IQSEC2: variants seen among roughly 807,000 people sequenced by gnomAD.
The protein encoded by IQSEC2 is IQ motif and Sec7 domain ArfGEF 2, also known as IQ motif and SEC7 domain-containing protein 2.
Under a neutral mutation model 74.6 loss-of-function variants are expected in IQSEC2, and 6 were observed. The ratio of observed to expected loss-of-function variants is 0.08; its 90% CI spans 0.04 to 0.16. IQSEC2 has a LOEUF of 0.16. IQSEC2 is among the 10% of genes least tolerant of loss of function. The pLI, the probability that IQSEC2 is intolerant of heterozygous loss-of-function variation, is 1.00. For synonymous variants in IQSEC2, 494 were observed against 544.5 expected, an observed-to-expected ratio of 0.91 and a Z score of 1.29; for missense variants, 734 against 1,306.2, an observed-to-expected ratio of 0.56 and a Z score of 6.75.
intron 1 of IQSEC2, among the ~76,000 whole-genome samples, chrX:53,316,523 A>G (rs1230318559): frequency 9.0e-6 from 1 of 110,719 alleles, no homozygotes; most frequent in Non-Finnish European, 1.9e-5. Flanking sequence ...TAGACCATAC[A>G]CTGCCCTAGC....
chrX:53,306,971 AAG>A, intron 1 of IQSEC2, among the ~76,000 whole-genome samples: 1 of 110,883 alleles, frequency 9.0e-6, no homozygotes, highest in Admixed American at 9.6e-5. Flanking sequence ...AATGGAAGGT[AAG>A]TATATGACAT....
chrX:53,256,169 C>A, intron 2 of IQSEC2, 108 bp from the exon 3 acceptor site: 1 of 792,092 alleles, frequency 1.3e-6, no homozygotes, highest in Non-Finnish European at 1.8e-6. Flanking sequence ...CCATCCACCC[C>A]AGCTTCCTCA....
Position 53,320,036 on chromosome X carries a change from G to T in IQSEC2, c.707+381C>A, listed in dbSNP as rs376530477. ...GGGGTGGGGGGCTTTCTCTCCCCTG[G>T]GGCTCTGAGTAGACACCCTCGCCGA... On this transcript the variant is annotated intron_variant, in intron 1 of 14. Transcript: ENST00000642864. Among the ~76,000 whole-genome samples the T allele has an allele frequency of 7.3e-5, 8 of 110,256 alleles. No individual in the cohort carries two copies. In the East Asian group the frequency reaches 1.7e-3, roughly 24 times the overall value.
chrX:53,237,469 T>C (rs1263966025), intron 12 of IQSEC2: 4 of 114,417 alleles, frequency 3.5e-5, no homozygotes, highest in African/African-American at 1.3e-4. Context: ...TCTTTCTCCT[T>C]AACACCATGT....
At chrX:53,273,931 G>A (rs1556869041) in intron 2 of IQSEC2, among the ~76,000 whole-genome samples, 1 of 112,554 alleles carries the variant, frequency 8.9e-6, no homozygotes, top group Non-Finnish European at 1.9e-5. Flanking sequence ...TATTCTTGAA[G>A]GTTAAGATTC....
intron 1 of IQSEC2, among the ~76,000 whole-genome samples, chrX:53,304,884 A>G: frequency 8.9e-6 from 1 of 111,913 alleles, no homozygotes; most frequent in East Asian, 2.8e-4. Flanking sequence ...CTGCCTTATA[A>G]TAATCCAAAT....
chrX:53,243,186 A>G, intron 9 of IQSEC2, 146 bp downstream of exon 9: 1 of 478,640 alleles, frequency 2.1e-6, no homozygotes, highest in Non-Finnish European at 3.6e-6. Context: ...TTCACTCTGC[A>G]CCACAGCCTT....
intron 1 of IQSEC2, among the ~76,000 whole-genome samples, chrX:53,301,764 T>A (rs970800145): frequency 1.4e-4 from 16 of 112,024 alleles, no homozygotes; most frequent in Middle Eastern, 4.6e-3. Flanking sequence ...GGCAGGCAAG[T>A]CTATAGAGCC....
At chrX:53,279,487 T>G in intron 2 of IQSEC2, 1 of 574,844 alleles carries the variant, frequency 1.7e-6, no homozygotes, top group Non-Finnish European at 2.9e-6. Flanking sequence ...CTCAGGGAGG[T>G]GGGAGGGGCT....
chrX:53,258,059 C>T (rs994167085), intron 2 of IQSEC2, among the ~76,000 whole-genome samples: 2 of 111,400 alleles, frequency 1.8e-5, no homozygotes, highest in Admixed American at 9.6e-5. Context: ...CCCAAATGCT[C>T]CTCTGCTTTC....
chrX:53,306,993 C>A (rs1365976910), intron 1 of IQSEC2, among the ~76,000 whole-genome samples: 1 of 110,552 alleles, frequency 9.0e-6, no homozygotes, highest in African/African-American at 3.3e-5. Flanking sequence ...TCCTTCCTTC[C>A]CTGCCACCCC....
At chrX:53,272,146 A>T (rs1406913991) in intron 2 of IQSEC2, among the ~76,000 whole-genome samples, 1 of 110,371 alleles carries the variant, frequency 9.1e-6, no homozygotes. Flanking sequence ...TCTTAGGCTG[A>T]GTTGACCTGT....
At chrX:53,279,688 C>CA (rs1569321052) in intron 2 of IQSEC2, 3 of 967,026 alleles carry the variant, frequency 3.1e-6, no homozygotes, top group Non-Finnish European at 4.4e-6. Flanking sequence ...CAGAGAGAGA[C>CA]AGAGAGAGAG....
At chrX:53,308,097 G>C (rs1480979289) in intron 1 of IQSEC2, among the ~76,000 whole-genome samples, 4 of 93,554 alleles carry the variant, frequency 4.3e-5, no homozygotes, top group African/African-American at 1.6e-4. Context: ...CCGGGAGGCA[G>C]AGGTTGCAGT....
rs781818063 is a variant in IQSEC2, at chrX:53,251,025, G to A, written c.1551C>T (p.Pro517=). 2 of 1,211,780 alleles carry A rather than the reference G, an allele frequency of 1.7e-6. No homozygotes were observed. Among genetic ancestry groups the A allele is most frequent in the Non-Finnish European group, 2.2e-6 (2 of 895,508 alleles). ...GGGGAACTGTGTCATCCAGGTAGAG[G>A]GGAAGATCACTGAAGGATGTGGCTG... ...DSSATSFSDL[P]LYLDDTVPQQ... is the part of the protein sequence containing the mutation. Residue 517 remains proline (P), a synonymous_variant, in exon 5 of 15, where the codon CCC becomes CCT. Coordinates refer to ENST00000642864, the MANE Select transcript of IQSEC2 (RefSeq NM_001111125.3).
chrX:53,247,092 G>A lies in IQSEC2; in HGVS notation c.2626C>T (p.Arg876Trp), dbSNP rs2074318325. ...AGGATGAAGATGGTGTCTGGGTTCC[G>A]GAACTGGCGCACGAGGGCTGGGTTA... ...VCNPALVRQF[R>W]NPDTIFILAF... The change falls in exon 8 of 15, where the codon CGG (arginine) becomes TGG (tryptophan). Residue 876 changes from arginine to tryptophan, a missense_variant. Arg to Trp is a moderately radical substitution (Grantham distance 101). Transcript: ENST00000642864. 1 of 1,211,135 alleles carries A rather than the reference G, an allele frequency of 8.3e-7. No individual in the cohort carries two copies. Among genetic ancestry groups the A allele is most frequent in the Non-Finnish European group, 1.1e-6 (1 of 895,216 alleles).
intron 2 of IQSEC2, among the ~76,000 whole-genome samples, chrX:53,291,300 C>G (rs2075097398): frequency 9.0e-6 from 1 of 111,306 alleles, no homozygotes; most frequent in African/African-American, 3.3e-5. Flanking sequence ...CTTACTATGT[C>G]TACCAATGGG....
intron 1 of IQSEC2, among the ~76,000 whole-genome samples, chrX:53,308,596 G>C (rs1371119826): frequency 9.0e-6 from 1 of 111,444 alleles, no homozygotes; most frequent in Non-Finnish European, 1.9e-5. Flanking sequence ...TACATTGCTA[G>C]ATACACAAGT....
chrX:53,250,531 C>G lies in IQSEC2; in HGVS notation c.2045G>C (p.Gly682Ala), dbSNP rs1556863063. The G allele has an allele frequency of 8.3e-7, 1 of 1,211,959 alleles. No homozygotes were observed. Among genetic ancestry groups the G allele is most frequent in the Admixed American group, 2.2e-5 (1 of 46,128 alleles). ...PSGVAGGRRL[G>A]KCEAAGENSD... ...GTTCTCGCCTGCTGCCTCGCACTTC[C>G]CCAACCTCCGACCCCCAGCCACACC... The change falls in exon 5 of 15, where the codon GGG becomes GCG. Residue 682 changes from glycine (G) to alanine (A), a missense_variant. Transcript: ENST00000642864.
Sources: allele counts gnomAD v4.1 joint callset (sites outside exome capture counted in the v4.1 genomes callset), GRCh38; gene constraint gnomAD v4.1.1; transcripts MANE v1.5; gene names NCBI Gene and HGNC (gene_info 2026-07-23, HGNC 2026-07-21).